TBC1D19: variants seen among roughly 807,000 people sequenced by gnomAD.
TBC1D19 encodes TBC1 domain family member 19.
In TBC1D19, 60 loss-of-function variants were observed where a neutral mutation model predicts 89.0. That is an observed-to-expected ratio of 0.67 (90% CI 0.55 to 0.84). The LOEUF (loss-of-function observed/expected upper bound fraction) is 0.84, where lower values mean the gene tolerates loss of function less well. Ranked by LOEUF, TBC1D19 falls within the 40% of genes least tolerant of loss-of-function variation. TBC1D19 has a pLI of 0.00. For synonymous variants in TBC1D19, 189 were observed against 199.7 expected (o/e 0.95, Z 0.45); for missense variants, 500 against 610.8 (o/e 0.82, Z 1.91).
chr4:26,631,125 T>C (rs999529253), intron 4 of TBC1D19, among the ~76,000 whole-genome samples: 1 of 152,096 alleles, frequency 6.6e-6, no homozygotes, highest in Non-Finnish European at 1.5e-5. Flanking sequence ...CATAGTGTTA[T>C]AGATATGGGA....
chr4:26,715,864 C>T (rs1176997400), intron 13 of TBC1D19, among the ~76,000 whole-genome samples: 3 of 152,064 alleles, frequency 2.0e-5, no homozygotes, highest in Admixed American at 6.6e-5. Context: ...TGTCATACAT[C>T]TGCCACACAC....
At chr4:26,805,694 C>A in the TBC1D19 span, among the ~76,000 whole-genome samples, 5 of 152,154 alleles carry the variant, frequency 3.3e-5, no homozygotes, top group African/African-American at 1.2e-4. Context: ...GCCAGAGAGA[C>A]TTGTGTAAAG....
At chr4:26,827,881 C>T in the TBC1D19 span, among the ~76,000 whole-genome samples, 1 of 152,068 alleles carries the variant, frequency 6.6e-6, no homozygotes, top group African/African-American at 2.4e-5. Context: ...TGCCGCTGTG[C>T]CCAGCTATTT....
chr4:26,668,791 C>T (rs1448816080), intron 9 of TBC1D19, among the ~76,000 whole-genome samples: 1 of 151,798 alleles, frequency 6.6e-6, no homozygotes, highest in Non-Finnish European at 1.5e-5. Flanking sequence ...ACCTCTGTTA[C>T]CTATGTTTTA....
At chr4:26,696,168 A>G (rs917723945) in intron 13 of TBC1D19, among the ~76,000 whole-genome samples, 4 of 152,238 alleles carry the variant, frequency 2.6e-5, no homozygotes, top group Admixed American at 6.5e-5. Context: ...AGGAAGATCT[A>G]CCAAGCAAAT....
intron 4 of TBC1D19, among the ~76,000 whole-genome samples, chr4:26,628,799 CA>C: frequency 6.6e-6 from 1 of 151,904 alleles, no homozygotes; most frequent in African/African-American, 2.4e-5. Context: ...ATCCAACTTA[CA>C]AGGGATGTGA....
At chr4:26,738,768 A>T (rs922508621) in intron 16 of TBC1D19, among the ~76,000 whole-genome samples, 3 of 152,140 alleles carry the variant, frequency 2.0e-5, no homozygotes, top group African/African-American at 7.2e-5. Flanking sequence ...TGACTTATTT[A>T]TCAGTAATAC....
the TBC1D19 span, among the ~76,000 whole-genome samples, chr4:26,786,761 A>G: frequency 7.0e-6 from 1 of 142,384 alleles, no homozygotes; most frequent in Non-Finnish European, 1.6e-5. Context: ...GCCTGGATGG[A>G]TGGATGGATG....
intron 4 of TBC1D19, among the ~76,000 whole-genome samples, chr4:26,622,486 G>C (rs771766858): frequency 7.2e-5 from 11 of 152,128 alleles, no homozygotes; most frequent in Admixed American, 6.5e-4. Flanking sequence ...ATATGTGAGT[G>C]ATAGGTACAC....
At chr4:26,808,727 CAAAAA>C in the TBC1D19 span, among the ~76,000 whole-genome samples, 69 of 95,078 alleles carry the variant, frequency 7.3e-4, no homozygotes, top group Admixed American at 3.5e-3. Context: ...GACTCTGTCT[CAAAAA>C]AAAAAAAAAA....
chr4:26,842,590 TTC>T, the TBC1D19 span, among the ~76,000 whole-genome samples: 1 of 91,490 alleles, frequency 1.1e-5, no homozygotes, highest in Non-Finnish European at 2.3e-5. Context: ...CTCCCTTTCT[TTC>T]TTTCTTTCTT....
At chr4:26,792,712 G>C in the TBC1D19 span, among the ~76,000 whole-genome samples, 2 of 152,180 alleles carry the variant, frequency 1.3e-5, no homozygotes, top group African/African-American at 4.8e-5. Context: ...TTCTCTCCAA[G>C]TCCTTGAGTA....
At chr4:26,733,828 T>G (rs1182025189) in intron 15 of TBC1D19, among the ~76,000 whole-genome samples, 1 of 152,142 alleles carries the variant, frequency 6.6e-6, no homozygotes, top group Non-Finnish European at 1.5e-5. Flanking sequence ...GGAACAACTG[T>G]CCAAGAACAC....
At chr4:26,685,963 A>C (rs1237284074) in intron 12 of TBC1D19, among the ~76,000 whole-genome samples, 1 of 152,196 alleles carries the variant, frequency 6.6e-6, no homozygotes, top group Non-Finnish European at 1.5e-5. Flanking sequence ...CCAAGAAGGA[A>C]GTAATTTGTG....
intron 3 of TBC1D19, among the ~76,000 whole-genome samples, chr4:26,619,565 A>G (rs1741908358): frequency 6.6e-6 from 1 of 152,206 alleles, no homozygotes; most frequent in Non-Finnish European, 1.5e-5. Context: ...AGTGGAAGCA[A>G]ATGGTATATT....
chr4:26,740,780 A>G, intron 17 of TBC1D19: 2 of 985,374 alleles, frequency 2.0e-6, no homozygotes, highest in Non-Finnish European at 2.4e-6. Flanking sequence ...AAATTTCCCC[A>G]AAGAGGCAAC....
At chr4:26,673,926 G>A (rs1447719167) in intron 11 of TBC1D19, 38 bp downstream of exon 11, 2 of 1,272,814 alleles carry the variant, frequency 1.6e-6, no homozygotes, top group African/African-American at 1.5e-5. Flanking sequence ...TTTTAGCTTT[G>A]GGGTATTTAT....
intron 1 of TBC1D19, among the ~76,000 whole-genome samples, chr4:26,595,692 C>T (rs1740164137): frequency 6.7e-6 from 1 of 149,738 alleles, no homozygotes; most frequent in African/African-American, 2.5e-5. Context: ...TGTGGATGTT[C>T]CAGTACCATT....
At chr4:26,819,122 A>G in the TBC1D19 span, among the ~76,000 whole-genome samples, 1 of 152,188 alleles carries the variant, frequency 6.6e-6, no homozygotes, top group Non-Finnish European at 1.5e-5. Context: ...GACAAAAGAA[A>G]TCCCCAGCGA....
Sources: allele counts gnomAD v4.1 joint callset (sites outside exome capture counted in the v4.1 genomes callset), GRCh38; gene constraint gnomAD v4.1.1; transcripts MANE v1.5; gene names NCBI Gene and HGNC (gene_info 2026-07-23, HGNC 2026-07-21).